The following PPP1R13L variants were observed in gnomAD, a reference collection of about 807,000 sequenced individuals.
PPP1R13L encodes the protein relA-associated inhibitor.
Under a neutral mutation model 80.9 loss-of-function variants are expected in PPP1R13L, and 50 were observed. The observed-to-expected ratio is 0.62, with a 90% CI of 0.49 to 0.78. PPP1R13L has a LOEUF of 0.78. PPP1R13L is among the 30% of genes least tolerant of loss of function. The probability of loss-of-function intolerance (pLI) is 0.00; values close to 1 mark genes in which losing one functional copy is unlikely to be tolerated. For missense variants in PPP1R13L, 1,200 were observed against 1,205.9 expected (o/e 1.00, Z 0.07); for synonymous variants, 602 against 534.3 (o/e 1.13, Z -1.75).
At chr19:45,385,446 TGCCAAGTGGTTGGTACA>T in intron 11 of PPP1R13L, 99 bp downstream of exon 11, 3 of 1,242,726 alleles carry the variant, frequency 2.4e-6, no homozygotes, top group Non-Finnish European at 3.3e-6. Flanking sequence ...TCGGCAATCC[TGCCAAGTGGTTGGTACA>T]GCCCCCATAC....
rs961311310 is a variant in PPP1R13L, at chr19:45,405,058, G to C, written c.-81C>G. On this transcript the variant is annotated 5_prime_UTR_variant, in exon 1 of 13. Transcript: ENST00000360957. ...TCCAGCTCGGGCTCCGGCTTGGGGAGCGGAGAACGGGGCGGGGCAGGAGCT... is the reference window on the plus strand; with the variant it reads ...TCCAGCTCGGGCTCCGGCTTGGGGACCGGAGAACGGGGCGGGGCAGGAGCT... 2.0e-6 allele frequency: 2 copies of C among 985,916 alleles called. No individual in the cohort carries two copies. The highest frequency in any genetic ancestry group is 3.5e-5 in the African/African-American group (2 of 57,252). The allele number at this position is 985,916 out of a possible 1,614,324, so 61.1% of individuals were successfully genotyped here. A position where few individuals can be genotyped will look rare whatever the true frequency, so the allele number is the denominator to read the frequency against.
In PPP1R13L at chr19:45,396,398, T is replaced by G; in HGVS notation, c.751A>C (p.Asn251His). The change falls in exon 5 of 13, where the codon AAC (asparagine) becomes CAC (histidine). Residue 251 changes from asparagine (N) to histidine (H), a missense_variant. Transcript: ENST00000360957. This position sits in a 1 kb window ranked among gnomAD's most constrained non-coding sequence, Gnocchi z 5.3. ...TACGCCACGTCCAGGTCAGACTCGT[T>G]CCAGGCTTTCGGAGGCCGCCGGCGC... The part of the protein sequence containing the change: ...TLRRRPPKAW[N>H]ESDLDVAYEK... The G allele has an allele frequency of 6.2e-7, 1 of 1,614,098 alleles. No individual in the cohort carries two copies. Among genetic ancestry groups the G allele is most frequent in the Non-Finnish European group, 8.5e-7 (1 of 1,179,982 alleles).
chr19:45,397,683 C>A (rs1599776394), intron 3 of PPP1R13L, among the ~76,000 whole-genome samples: 1 of 151,610 alleles, frequency 6.6e-6, no homozygotes, highest in Admixed American at 6.6e-5. Context: ...GTCTTAAACT[C>A]CTGACCTCAA....
chr19:45,399,390 C>T (rs1568562835), intron 1 of PPP1R13L, among the ~76,000 whole-genome samples: 5 of 149,862 alleles, frequency 3.3e-5, no homozygotes, highest in African/African-American at 7.3e-5. Flanking sequence ...TTTGGGAGGC[C>T]AAGGAGGGCG....
At chr19:45,404,382 C>T (rs1973287861) in intron 1 of PPP1R13L, among the ~76,000 whole-genome samples, 1 of 152,152 alleles carries the variant, frequency 6.6e-6, no homozygotes, top group Admixed American at 6.5e-5. Context: ...AGGTTAATGA[C>T]ATGTTGGGTT....
intron 7 of PPP1R13L, chr19:45,392,580 A>C: frequency 4.8e-6 from 3 of 619,536 alleles, no homozygotes; most frequent in Non-Finnish European, 8.8e-6. Context: ...TTGTAATCTC[A>C]CCACTGCTTT....
At position 45,382,681 on chromosome 19, in the gene PPP1R13L, G is replaced by C; in HGVS notation, c.2294C>G (p.Ala765Gly). 1 of 1,614,060 alleles carries C rather than the reference G, an allele frequency of 6.2e-7. No homozygotes were observed. The highest frequency in any genetic ancestry group is 8.5e-7 in the Non-Finnish European group (1 of 1,180,048). Residue 765 changes from alanine (A) to glycine (G), a missense_variant, in exon 12 of 13, where the codon GCT (alanine) becomes GGT (glycine). Ala to Gly is a moderately conservative substitution (Grantham distance 60). This residue lies in a region of PPP1R13L where 165 missense variants were observed against 177.1 expected (regional missense o/e 0.93). Transcript: ENST00000360957. ...GAACTCGGCGCTGTAGTCCCAGAGA[G>C]CGTACACTGCCCCGCTGTTCATCAG... ...MGLMNSGAVY[A>G]LWDYSAEFGD...
rs768417956 is a variant in PPP1R13L at position 45,396,205 on chromosome 19, C to G, written c.866G>C (p.Arg289Thr). 22 of 1,611,654 alleles carry G rather than the reference C, an allele frequency of 1.4e-5. No individual in the cohort carries two copies. In the Admixed American group the frequency reaches 3.5e-4, roughly 26 times the overall value. Residue 289 changes from arginine (R) to threonine (T), a missense_variant, in exon 6 of 13, where the codon AGG becomes ACG. This residue lies in a region of PPP1R13L where 764 missense variants were observed against 714.5 expected (regional missense o/e 1.07). Coordinates refer to ENST00000360957, the MANE Select transcript of PPP1R13L (RefSeq NM_006663.4). The surrounding 1 kb of genome is among the most constrained non-coding windows in gnomAD (Gnocchi z 5.3). ...CCCCAGTCCATCCAGGCTGCTCTCCCTCCAAGGCAACAGCTGCAGGCTCGG... is the reference window on the plus strand; with the variant it reads ...CCCCAGTCCATCCAGGCTGCTCTCCGTCCAAGGCAACAGCTGCAGGCTCGG... ...ASPSLQLLPW[R>T]ESSLDGLGGT...
intron 1 of PPP1R13L, among the ~76,000 whole-genome samples, chr19:45,402,740 C>A (rs931424296): frequency 2.6e-5 from 4 of 152,234 alleles, no homozygotes; most frequent in African/African-American, 9.6e-5. Context: ...GCTCCGAGCT[C>A]TCCCGCGGGC....
chr19:45,380,055 C>A lies in PPP1R13L; in HGVS notation c.*135G>T. ...CTTCTTCCCTGGACTTCCAGGAGAA[C>A]AGAGAACCGGTGGCAAGGACCACCA... On this transcript the variant is annotated 3_prime_UTR_variant, in exon 13 of 13. Transcript: ENST00000360957. 1.0e-6 allele frequency: 1 copy of A among 965,100 alleles called. No homozygotes were observed. Among genetic ancestry groups the A allele is most frequent in the Non-Finnish European group, 1.6e-6 (1 of 630,430 alleles). 59.8% of individuals were successfully genotyped at this position (965,100 alleles called of 1,614,324 possible).
chr19:45,396,925 G>T lies in PPP1R13L; in HGVS notation c.332C>A (p.Pro111Gln). 1 of 1,482,800 alleles carries T rather than the reference G, an allele frequency of 6.7e-7. No homozygotes were observed. The allele number at this position is 1,482,800 out of a possible 1,614,324, so 91.9% of individuals were successfully genotyped here. A position where few individuals can be genotyped will look rare whatever the true frequency, so the allele number is the denominator to read the frequency against. Residue 111 changes from proline (P) to glutamine (Q), a missense_variant, in exon 4 of 13, where the codon CCG becomes CAG. By Grantham distance (76) the Pro-to-Gln change is moderately conservative (BLOSUM62 -1). This residue lies in a region of PPP1R13L where 764 missense variants were observed against 714.5 expected (regional missense o/e 1.07). Transcript: ENST00000360957. This position sits in a 1 kb window ranked among gnomAD's most constrained non-coding sequence, Gnocchi z 5.3. ...CGACGGCCGTCCCTTGGGGGACAGC[G>T]GGCTGTAGGGGTGTAGGGTTGGGGC... Reference protein sequence around the residue: ...ESAPTLHPYSPLSPKGRPSSP... With the variant: ...ESAPTLHPYSQLSPKGRPSSP...
chr19:45,382,271 AT>A (rs1195349166), intron 12 of PPP1R13L, among the ~76,000 whole-genome samples: 9 of 151,772 alleles, frequency 5.9e-5, no homozygotes, highest in Admixed American at 2.0e-4. Flanking sequence ...AAATAAAAAA[AT>A]AATAGAAATT....
chr19:45,396,470 AG>A lies in PPP1R13L; in HGVS notation c.713-35del. ...AAGTTTCCAGGGAGGATGAGACGGG[AG>A]GGGTGGCGAGCCCCGGATCCTGCCC... is the stretch of plus-strand genomic sequence containing the variant. On this transcript the variant is annotated intron_variant, in intron 4 of 12. Transcript: ENST00000360957. The surrounding 1 kb of genome is among the most constrained non-coding windows in gnomAD (Gnocchi z 5.3). 6.2e-7 allele frequency: 1 copy of A among 1,612,620 alleles called. No homozygotes were observed.
rs768222043 is a variant in PPP1R13L, at chr19:45,380,048, A to G, written c.*142T>C. 3.3e-6 allele frequency: 3 copies of G among 910,974 alleles called. No homozygotes were observed. Among genetic ancestry groups the G allele is most frequent in the Non-Finnish European group, 5.1e-6 (3 of 585,980 alleles). The allele number at this position is 910,974 out of a possible 1,614,324, so 56.4% of individuals were successfully genotyped here. On this transcript the variant is annotated 3_prime_UTR_variant, in exon 13 of 13. Coordinates refer to ENST00000360957, the MANE Select transcript of PPP1R13L (RefSeq NM_006663.4). ...GGCCCTCCTTCTTCCCTGGACTTCC[A>G]GGAGAACAGAGAACCGGTGGCAAGG...
In PPP1R13L at chr19:45,396,606, G is replaced by A. The variant is rs1403507157; in HGVS notation, c.651C>T (p.Ala217=). 6.7e-7 allele frequency: 1 copy of A among 1,495,146 alleles called. No homozygotes were observed. The highest frequency in any genetic ancestry group is 2.3e-5 in the East Asian group (1 of 43,586). The allele number at this position is 1,495,146 out of a possible 1,614,324, so 92.6% of individuals were successfully genotyped here. A position where few individuals can be genotyped will look rare whatever the true frequency, so the allele number is the denominator to read the frequency against. ...PATAYDAPAS[A]FGSSLLGSGG... Reference sequence around the variant, plus strand: ...CGGAGCCTAGCAGGGAGCTCCCGAAGGCGGACGCTGGCGCGTCGTAGGCTG... The same window carrying A: ...CGGAGCCTAGCAGGGAGCTCCCGAAAGCGGACGCTGGCGCGTCGTAGGCTG... Residue 217 remains alanine, a synonymous_variant, in exon 4 of 13, where the codon GCC becomes GCT. Coordinates refer to ENST00000360957, the MANE Select transcript of PPP1R13L (RefSeq NM_006663.4). The surrounding 1 kb of genome is among the most constrained non-coding windows in gnomAD (Gnocchi z 5.3).
intron 3 of PPP1R13L, 25 bp downstream of exon 3, chr19:45,397,980 A>G: frequency 6.3e-7 from 1 of 1,593,302 alleles, no homozygotes; most frequent in South Asian, 1.1e-5. Context: ...CTGGCTTTGG[A>G]GATCAAGGTG....
In PPP1R13L at chr19:45,392,020, G is replaced by T. The variant is rs376672896; in HGVS notation, c.1675C>A (p.Pro559Thr). The T allele has an allele frequency of 6.5e-7, 1 of 1,541,898 alleles. No homozygotes were observed. Among genetic ancestry groups the T allele is most frequent in the Non-Finnish European group, 8.7e-7 (1 of 1,147,530 alleles). Reference protein sequence around the residue: ...RLFHRHGGPGPGGPEPELSPI... With the variant: ...RLFHRHGGPGTGGPEPELSPI... ...GACAGCTCTGGCTCCGGCCCCCCGG[G>T]CCCTGGCCCCCCATGACGATGGAAG... Residue 559 changes from proline to threonine, a missense_variant, in exon 8 of 13, where the codon CCC becomes ACC. Physicochemically the swap from Pro to Thr is conservative, Grantham distance 38. This residue lies in a region of PPP1R13L where 214 missense variants were observed against 199.6 expected (regional missense o/e 1.07). Coordinates refer to ENST00000360957, the MANE Select transcript of PPP1R13L (RefSeq NM_006663.4).
chr19:45,392,356 G>A lies in PPP1R13L; in HGVS notation c.1355-16C>T, dbSNP rs747498506. 4.3e-6 allele frequency: 7 copies of A among 1,611,828 alleles called. No homozygotes were observed. In the African/African-American group the frequency reaches 6.7e-5, roughly 15 times the overall value. On this transcript the variant is annotated splice_polypyrimidine_tract_variant and intron_variant, in intron 7 of 12. Transcript: ENST00000360957. Reference sequence around the variant, plus strand: ...TTGGGGGGTCCTAGCCGGAACAAGAGCCCATCAGAGGACAGGTCCCCAGGA... The same window carrying A: ...TTGGGGGGTCCTAGCCGGAACAAGAACCCATCAGAGGACAGGTCCCCAGGA...
Position 45,395,970 on chromosome 19 carries a change from G to C in PPP1R13L, c.904-84C>G, listed in dbSNP as rs1012871302. On this transcript the variant is annotated intron_variant, in intron 6 of 12. Transcript: ENST00000360957. ...AAAGACAAAAGACGAGAAGGGAGAG[G>C]AGGTGAGGGAAGCCCTGGGAGTGAG... 5 of 1,357,244 alleles carry C rather than the reference G, an allele frequency of 3.7e-6. No individual in the cohort carries two copies. In the African/African-American group the frequency reaches 4.3e-5, roughly 12 times the overall value. The allele number at this position is 1,357,244 out of a possible 1,614,324, so 84.1% of individuals were successfully genotyped here.
Sources: gnomAD v4.1 joint callset for allele counts (sites outside exome capture counted in the v4.1 genomes callset) on GRCh38, gnomAD v4.1.1 for gene constraint, gnomAD v4.1.1 regional missense constraint, Gnocchi (gnomAD v3.1) non-coding constraint, MANE v1.5 for transcripts, NCBI Gene and HGNC (gene_info 2026-07-23, HGNC 2026-07-21) for gene names.